Variants in SORBS2 observed in about 807,000 individuals in gnomAD.
SORBS2 encodes sorbin and SH3 domain containing 2.
Under a neutral mutation model 97.7 loss-of-function variants are expected in SORBS2, and 46 were observed. The ratio of observed to expected loss-of-function variants is 0.47; its 90% CI spans 0.37 to 0.60. The LOEUF is 0.60. Ranked by LOEUF, SORBS2 falls within the 20% of genes least tolerant of loss-of-function variation. The pLI, the probability that SORBS2 is intolerant of heterozygous loss-of-function variation, is 0.00. For missense variants in SORBS2, 1,316 were observed against 1,282.3 expected, an observed-to-expected ratio of 1.03 and a Z score of -0.40; for synonymous variants, 476 against 473.4, an observed-to-expected ratio of 1.01 and a Z score of -0.07.
chr4:185,661,658 C>G (rs1288481173), upstream of SORBS2, among the ~76,000 whole-genome samples: 2 of 152,166 alleles, frequency 1.3e-5, no homozygotes, highest in African/African-American at 4.8e-5. Flanking sequence ...CAGTAGATGA[C>G]TGCGTCCCTG....
At chr4:185,946,879 T>C (rs2099274770) in intron 1 of SORBS2, among the ~76,000 whole-genome samples, 1 of 152,230 alleles carries the variant, frequency 6.6e-6, no homozygotes, top group South Asian at 2.1e-4. Context: ...GTCAGATTGC[T>C]CCCTGACTCC....
chr4:185,905,747 A>C (rs1412278838), intron 1 of SORBS2, among the ~76,000 whole-genome samples: 2 of 151,952 alleles, frequency 1.3e-5, no homozygotes, highest in Non-Finnish European at 2.9e-5. Context: ...TACACACATG[A>C]GCTACTAGGC....
chr4:185,785,147 A>T (rs1056035453), intron 1 of SORBS2, among the ~76,000 whole-genome samples: 1 of 151,990 alleles, frequency 6.6e-6, no homozygotes, highest in Non-Finnish European at 1.5e-5. Context: ...TGAAGATGAA[A>T]TGTGTCCTCG....
intron 1 of SORBS2, among the ~76,000 whole-genome samples, chr4:185,859,495 G>T (rs2149706998): frequency 6.6e-6 from 1 of 152,176 alleles, no homozygotes; most frequent in East Asian, 1.9e-4. Context: ...TTCCTTGCTA[G>T]GAACGTCTGT....
chr4:185,622,595 G>A (rs1001523748), intron 7 of SORBS2, among the ~76,000 whole-genome samples: 5 of 152,144 alleles, frequency 3.3e-5, no homozygotes, highest in East Asian at 1.9e-4. Context: ...ATGTCACAAC[G>A]TAATTTATTG....
intron 12 of SORBS2, among the ~76,000 whole-genome samples, chr4:185,609,876 G>A (rs947926288): frequency 1.8e-4 from 28 of 152,280 alleles, no homozygotes; most frequent in African/African-American, 6.7e-4. Flanking sequence ...TCACTTCCGG[G>A]AAGTTTTCTT....
chr4:185,637,370 T>C (rs935012961), intron 4 of SORBS2, among the ~76,000 whole-genome samples: 1 of 152,208 alleles, frequency 6.6e-6, no homozygotes, highest in African/African-American at 2.4e-5. Context: ...GGCTCTAGCA[T>C]CTGGGTTTGT....
At chr4:185,764,929 T>C (rs1029111280) in intron 2 of SORBS2, among the ~76,000 whole-genome samples, 2 of 152,206 alleles carry the variant, frequency 1.3e-5, no homozygotes, top group Non-Finnish European at 2.9e-5. Context: ...TATATTTCTT[T>C]ACATTATGAT....
chr4:185,710,409 A>G (rs946001450), intron 2 of SORBS2, among the ~76,000 whole-genome samples: 5 of 152,298 alleles, frequency 3.3e-5, no homozygotes, highest in African/African-American at 9.6e-5. Context: ...AAGTGTTCAA[A>G]CCTTTTATGT....
intron 2 of SORBS2, among the ~76,000 whole-genome samples, chr4:185,749,410 T>G (rs1358426183): frequency 6.6e-6 from 1 of 152,186 alleles, no homozygotes; most frequent in Non-Finnish European, 1.5e-5. Context: ...GAGTCACCCT[T>G]CAGGGAGAAG....
intron 2 of SORBS2, among the ~76,000 whole-genome samples, chr4:185,710,530 G>A (rs1483391217): frequency 6.6e-6 from 1 of 152,218 alleles, no homozygotes; most frequent in Non-Finnish European, 1.5e-5. Flanking sequence ...TTTGAAGATG[G>A]AATGAATGTG....
intron 1 of SORBS2, among the ~76,000 whole-genome samples, chr4:185,878,065 G>C (rs11734074): frequency 6.6e-6 from 1 of 151,714 alleles, no homozygotes; most frequent in East Asian, 1.9e-4. Context: ...TAGTACATAT[G>C]ATTAAGGTAA....
chr4:185,651,059 G>C (rs1379342688), intron 2 of SORBS2, among the ~76,000 whole-genome samples: 1 of 152,078 alleles, frequency 6.6e-6, no homozygotes, highest in Non-Finnish European at 1.5e-5. Context: ...CTCCGAGCCT[G>C]GTCTAAAGAA....
chr4:185,881,225 C>T (rs184155204), intron 1 of SORBS2, among the ~76,000 whole-genome samples: 2 of 152,018 alleles, frequency 1.3e-5, no homozygotes, highest in African/African-American at 2.4e-5. Flanking sequence ...CAGAACAATA[C>T]ATTAGAGACA....
intron 1 of SORBS2, among the ~76,000 whole-genome samples, chr4:185,921,527 GA>G (rs775336690): frequency 8.6e-5 from 13 of 150,694 alleles, no homozygotes; most frequent in African/African-American, 2.9e-4. Context: ...GAGAGGAAGA[GA>G]AAAAAAAAGA....
intron 11 of SORBS2, among the ~76,000 whole-genome samples, chr4:185,612,977 T>G (rs1474430686): frequency 6.6e-6 from 1 of 152,224 alleles, no homozygotes; most frequent in African/African-American, 2.4e-5. Context: ...ATTAAAGATT[T>G]GAATAGAACC....
chr4:185,636,246 T>TCA (rs2096998806), intron 4 of SORBS2, among the ~76,000 whole-genome samples: 1 of 152,136 alleles, frequency 6.6e-6, no homozygotes, highest in African/African-American at 2.4e-5. Flanking sequence ...ACATTTACAT[T>TCA]CACACTAAGA....
chr4:185,721,338 G>A (rs1394108232), intron 2 of SORBS2, among the ~76,000 whole-genome samples: 1 of 152,150 alleles, frequency 6.6e-6, no homozygotes, highest in Non-Finnish European at 1.5e-5. Context: ...GCCTCCCAAA[G>A]TGCTAGGATT....
chr4:185,688,268 A>G (rs984954753), intron 2 of SORBS2, among the ~76,000 whole-genome samples: 6 of 152,190 alleles, frequency 3.9e-5, no homozygotes, highest in Non-Finnish European at 7.3e-5. Flanking sequence ...TACTTAACTT[A>G]AAAGAATGCT....
Sources: allele counts gnomAD v4.1 joint callset (sites outside exome capture counted in the v4.1 genomes callset), GRCh38; gene constraint gnomAD v4.1.1; transcripts MANE v1.5; gene names NCBI Gene and HGNC (gene_info 2026-07-23, HGNC 2026-07-21).